Variants in KLHL32 observed in about 807,000 individuals in gnomAD.
The protein encoded by KLHL32 is kelch-like protein 32.
In KLHL32, 35 loss-of-function variants were observed where a neutral mutation model predicts 64.8. The ratio of observed to expected loss-of-function variants is 0.54; its 90% CI spans 0.41 to 0.72. The LOEUF is 0.72. Among genes scored for constraint, KLHL32 ranks in the 30% least tolerant of loss-of-function variants. The pLI is 0.00. For synonymous variants in KLHL32, 259 were observed against 281.0 expected (o/e 0.92, Z 0.78); for missense variants, 589 against 768.5 (o/e 0.77, Z 2.76).
At chr6:97,042,390 G>A (rs181922220) in intron 4 of KLHL32, among the ~76,000 whole-genome samples, 1 of 152,264 alleles carries the variant, frequency 6.6e-6, no homozygotes, top group East Asian at 1.9e-4. Context: ...GATGCATGTG[G>A]TCAGGTGTGG....
At chr6:96,982,167 A>G (rs961627853) in intron 3 of KLHL32, among the ~76,000 whole-genome samples, 1 of 152,104 alleles carries the variant, frequency 6.6e-6, no homozygotes, top group Non-Finnish European at 1.5e-5. Flanking sequence ...GTCTCCCAGT[A>G]TTATTATGTG....
At chr6:96,961,211 G>A (rs948724801) in intron 1 of KLHL32, among the ~76,000 whole-genome samples, 7 of 152,132 alleles carry the variant, frequency 4.6e-5, no homozygotes, top group African/African-American at 1.7e-4. Flanking sequence ...CATTATATAG[G>A]GTTAAATAAA....
chr6:97,040,872 G>T (rs1200476410), intron 3 of KLHL32, among the ~76,000 whole-genome samples: 1 of 152,142 alleles, frequency 6.6e-6, no homozygotes, highest in Admixed American at 6.5e-5. Context: ...TCTCCTTTCT[G>T]CTGCCTTGTG....
At chr6:96,929,902 G>A (rs1437481218) in intron 1 of KLHL32, among the ~76,000 whole-genome samples, 1 of 152,168 alleles carries the variant, frequency 6.6e-6, no homozygotes, top group Admixed American at 6.5e-5. Context: ...TTGCAAGGTT[G>A]GAGTCACCAA....
chr6:96,986,612 G>A (rs1400834847), intron 3 of KLHL32, among the ~76,000 whole-genome samples: 1 of 152,176 alleles, frequency 6.6e-6, no homozygotes, highest in East Asian at 1.9e-4. Context: ...CTTGCAGTTG[G>A]ATCTCCCACT....
At chr6:96,912,382 T>C in the KLHL32 span, among the ~76,000 whole-genome samples, 1 of 152,158 alleles carries the variant, frequency 6.6e-6, no homozygotes, top group Non-Finnish European at 1.5e-5. Context: ...CTCTGTAGCT[T>C]CCATATTTCA....
chr6:97,089,229 G>GATA (rs2128183672), intron 6 of KLHL32, among the ~76,000 whole-genome samples: 1 of 152,250 alleles, frequency 6.6e-6, no homozygotes, highest in East Asian at 1.9e-4. Flanking sequence ...CAAAGTAGCA[G>GATA]AAACAAGAAG....
upstream of KLHL32, among the ~76,000 whole-genome samples, chr6:96,924,003 C>A (rs773838066): frequency 6.6e-6 from 1 of 152,166 alleles, no homozygotes; most frequent in Admixed American, 6.5e-5. Flanking sequence ...TGTCTGTTTG[C>A]GGTTTTATTG....
rs184583515 is a variant in KLHL32, at chr6:97,065,906, C to T, written c.411+1180C>T. On this transcript the variant is annotated intron_variant, in intron 5 of 10. Transcript: ENST00000369261. The stretch of plus-strand genomic sequence containing the variant: ...GTGTGAGGAAGGTCAGCCATGTTCA[C>T]CTGAGGAAAATTCAAATACAGTTTA... Among the ~76,000 whole-genome samples, 5 of 152,192 alleles carry T rather than the reference C, an allele frequency of 3.3e-5. No individual in the cohort carries two copies. In the East Asian group the frequency reaches 5.8e-4, roughly 18 times the overall value.
rs140307645 is a variant in KLHL32 at position 96,993,358 on chromosome 6, G to T, written c.204+17181G>T. Reference sequence around the variant, plus strand: ...TGGTGATTGGTAGGCTGTTGGTTGGGGTGGTAAGGGAAGCTGGGCCATGTA... The same window carrying T: ...TGGTGATTGGTAGGCTGTTGGTTGGTGTGGTAAGGGAAGCTGGGCCATGTA... On this transcript the variant is annotated intron_variant, in intron 3 of 10. Transcript: ENST00000369261. 8.2e-4 allele frequency among the ~76,000 whole-genome samples: 125 copies of T among 152,262 alleles called. 2 individuals carry two copies. The East Asian group carries it at 0.018, about 21-fold the overall frequency.
At chr6:96,967,476 G>T (rs114074903) in intron 2 of KLHL32, among the ~76,000 whole-genome samples, 2,261 of 150,776 alleles carry the variant, frequency 0.015, 31 homozygotes, top group African/African-American at 0.04. Context: ...TATATATATA[G>T]AGAGAGAGAT....
chr6:97,056,043 A>G (rs957060081), intron 4 of KLHL32, among the ~76,000 whole-genome samples: 1 of 148,414 alleles, frequency 6.7e-6, no homozygotes, highest in Non-Finnish European at 1.5e-5. Flanking sequence ...ATACTGTCAT[A>G]TGTGACCTCA....
chr6:97,036,769 C>A (rs1411186552), intron 3 of KLHL32, among the ~76,000 whole-genome samples: 2 of 152,156 alleles, frequency 1.3e-5, no homozygotes, highest in Non-Finnish European at 2.9e-5. Flanking sequence ...CATGTGAAGC[C>A]GTACCGGGTG....
chr6:97,112,812 A>G (rs1194371436), intron 6 of KLHL32, among the ~76,000 whole-genome samples: 2 of 150,462 alleles, frequency 1.3e-5, no homozygotes, highest in South Asian at 2.1e-4. Context: ...GTACATTATC[A>G]TAAATAACAA....
At chr6:97,040,038 A>G (rs901313758) in intron 3 of KLHL32, among the ~76,000 whole-genome samples, 15 of 152,158 alleles carry the variant, frequency 9.9e-5, no homozygotes, top group African/African-American at 3.6e-4. Flanking sequence ...TAAATAAATA[A>G]ATAAAATTGC....
intron 1 of KLHL32, among the ~76,000 whole-genome samples, chr6:96,960,286 C>T (rs999742116): frequency 6.6e-6 from 1 of 152,096 alleles, no homozygotes; most frequent in African/African-American, 2.4e-5. Flanking sequence ...TAGCATTTTC[C>T]CTATTCTTAC....
intron 3 of KLHL32, among the ~76,000 whole-genome samples, chr6:97,030,876 C>T (rs1783442486): frequency 6.6e-6 from 1 of 152,156 alleles, no homozygotes; most frequent in East Asian, 1.9e-4. Context: ...AGGACATCAT[C>T]TGCAGATGAG....
At chr6:96,938,455 G>A (rs989998480) in intron 1 of KLHL32, among the ~76,000 whole-genome samples, 1 of 152,152 alleles carries the variant, frequency 6.6e-6, no homozygotes, top group Non-Finnish European at 1.5e-5. Context: ...TGCTTCTCGT[G>A]TCCTGCAGAT....
intron 4 of KLHL32, among the ~76,000 whole-genome samples, chr6:97,043,810 AT>A (rs780638226): frequency 1.3e-5 from 2 of 151,616 alleles, no homozygotes; most frequent in African/African-American, 4.8e-5. Context: ...ATGATGATGA[AT>A]TTTTTTTCAT....
Sources: allele counts gnomAD v4.1 joint callset (sites outside exome capture counted in the v4.1 genomes callset), GRCh38; gene constraint gnomAD v4.1.1; transcripts MANE v1.5; gene names NCBI Gene and HGNC (gene_info 2026-07-23, HGNC 2026-07-21).